ATP1B4: variants seen among roughly 807,000 people sequenced by gnomAD.
ATP1B4 encodes the protein protein ATP1B4.
ATP1B4 carries 32 observed loss-of-function variants against 29.6 expected under a neutral mutation model. That is an observed-to-expected ratio of 1.08 (90% CI 0.82 to 1.45). The LOEUF is 1.45. Among genes scored for constraint, ATP1B4 ranks in the 40% most tolerant of loss-of-function variants. ATP1B4 has a pLI of 0.00. For missense variants in ATP1B4, 323 were observed against 276.2 expected, an observed-to-expected ratio of 1.17 and a Z score of -1.20; for synonymous variants, 127 against 102.1, an observed-to-expected ratio of 1.24 and a Z score of -1.47.
At chrX:120,377,312 G>A (rs1187785595) in intron 6 of ATP1B4, among the ~76,000 whole-genome samples, 4 of 112,309 alleles carry the variant, frequency 3.6e-5, no homozygotes, top group African/African-American at 6.5e-5. Flanking sequence ...GTATGACTCC[G>A]TCTCTGAAAT....
At chrX:120,378,833 T>C (rs1363121872) in intron 7 of ATP1B4, 60 bp downstream of exon 7, 1 of 1,031,845 alleles carries the variant, frequency 9.7e-7, no homozygotes, top group African/African-American at 1.9e-5. Flanking sequence ...AAAGAAGAGC[T>C]GGCTGGGATC....
In ATP1B4 at chrX:120,366,666, G is replaced by T; in HGVS notation, c.205G>T (p.Glu69Ter). The change falls in exon 2 of 8, where the codon GAG becomes TAG. Residue 69 changes from glutamate (E) to a stop codon, truncating the protein, a stop_gained. Transcript: ENST00000218008. LOFTEE classifies it high-confidence loss of function. ...EKEEEEEEEK[E>*]EEEGQGQPTG... ...AGAAGAGGAGGAAGAGGAGGAAAAGGAGGAGGAAGAGGGTCAAGGTCAGCC... is the reference window on the plus strand; with the variant it reads ...AGAAGAGGAGGAAGAGGAGGAAAAGTAGGAGGAAGAGGGTCAAGGTCAGCC... The T allele has an allele frequency of 1.7e-6, 2 of 1,210,924 alleles. No homozygotes were observed. The highest frequency in any genetic ancestry group is 3.5e-5 in the South Asian group (2 of 56,880).
intron 6 of ATP1B4, among the ~76,000 whole-genome samples, 194 bp from the exon 7 acceptor site, chrX:120,378,484 G>A (rs988659068): frequency 9.0e-6 from 1 of 111,332 alleles, no homozygotes; most frequent in African/African-American, 3.3e-5. Context: ...AAAAGACAAG[G>A]CACAGTCACT....
intron 5 of ATP1B4, among the ~76,000 whole-genome samples, chrX:120,375,929 T>G (rs1213570475): frequency 3.6e-5 from 4 of 111,155 alleles, no homozygotes; most frequent in African/African-American, 1.3e-4. Flanking sequence ...ATAGTGAGAC[T>G]TCATCTTTAA....
At position 120,378,774 on chromosome X, in the gene ATP1B4, G is replaced by A. The variant is rs777822720; in HGVS notation, c.912+1G>A. ...CCCTTACTACGGCAAACTGACTCAC[G>A]TAAGCTGTATTCCCTTTAGTCATTG... On this transcript the variant is annotated splice_donor_variant, in intron 7 of 7. Coordinates refer to ENST00000218008, the MANE Select transcript of ATP1B4 (RefSeq NM_001142447.3). LOFTEE classifies it high-confidence loss of function. 3.3e-6 allele frequency: 4 copies of A among 1,204,251 alleles called. No individual in the cohort carries two copies. The highest frequency in any genetic ancestry group is 2.2e-5 in the Admixed American group (1 of 45,958).
chrX:120,364,648 A>T (rs2058276710), intron 1 of ATP1B4, among the ~76,000 whole-genome samples: 1 of 112,577 alleles, frequency 8.9e-6, no homozygotes, highest in African/African-American at 3.2e-5. Context: ...GATGAAGTTT[A>T]TTTTCCTAAG....
intron 2 of ATP1B4, among the ~76,000 whole-genome samples, chrX:120,367,362 C>G (rs1467831963): frequency 8.9e-6 from 1 of 112,306 alleles, no homozygotes; most frequent in African/African-American, 3.2e-5. Context: ...AGGCGTGTCC[C>G]TGGCCCCAGC....
At position 120,366,772 on chromosome X, in the gene ATP1B4, G is replaced by C. The variant is rs773746224; in HGVS notation, c.311G>C (p.Arg104Pro). ...CCAGAGAGAAGGATGTTTCTGGCCCGAACAGGTCAGAGTTGGAGTAAGTCC... is the reference window on the plus strand; with the variant it reads ...CCAGAGAGAAGGATGTTTCTGGCCCCAACAGGTCAGAGTTGGAGTAAGTCC... ...WDPERRMFLA[R>P]TGQSWSLILL... is the part of the protein sequence containing the mutation. Residue 104 changes from arginine (R) to proline (P), a missense_variant, in exon 2 of 8, where the codon CGA becomes CCA. Physicochemically the swap from Arg to Pro is moderately radical, Grantham distance 103. Coordinates refer to ENST00000218008, the MANE Select transcript of ATP1B4 (RefSeq NM_001142447.3). 5.0e-6 allele frequency: 6 copies of C among 1,210,498 alleles called. No homozygotes were observed. Among genetic ancestry groups the C allele is most frequent in the African/African-American group, 1.7e-5 (1 of 57,797 alleles).
chrX:120,374,196 C>T (rs2058328464), intron 4 of ATP1B4, among the ~76,000 whole-genome samples: 2 of 110,424 alleles, frequency 1.8e-5, no homozygotes, highest in Non-Finnish European at 3.8e-5. Context: ...GCAATCAAAT[C>T]CATGTACATT....
intron 6 of ATP1B4, among the ~76,000 whole-genome samples, chrX:120,376,913 T>C (rs1332006040): frequency 1.8e-5 from 2 of 112,561 alleles, no homozygotes; most frequent in East Asian, 2.8e-4. Flanking sequence ...AATGACTACA[T>C]GGGAAGTATA....
At chrX:120,374,304 A>C (rs937687150) in intron 4 of ATP1B4, among the ~76,000 whole-genome samples, 3 of 107,163 alleles carry the variant, frequency 2.8e-5, no homozygotes, top group Non-Finnish European at 5.8e-5. Flanking sequence ...ATCCATTGCC[A>C]GGTCGGGAGG....
Position 120,380,553 on chromosome X carries a change from C to G in ATP1B4, c.*919C>G, listed in dbSNP as rs2058377072. The stretch of plus-strand genomic sequence containing the variant: ...GCTCTCTGGTGTAATCGTCTAAAGG[C>G]AAACATTCCTGCAAACAGGTTTTTC... On this transcript the variant is annotated 3_prime_UTR_variant, in exon 8 of 8. Transcript: ENST00000218008. The G allele has an allele frequency of 8.9e-6, 1 of 112,018 alleles. No individual in the cohort carries two copies. The highest frequency in any genetic ancestry group is 1.9e-5 in the Non-Finnish European group (1 of 53,242). 9.2% of individuals were successfully genotyped at this position (112,018 alleles called of 1,213,427 possible).
chrX:120,362,312 G>C (rs774160843), intron 1 of ATP1B4, 81 bp downstream of exon 1: 1 of 923,598 alleles, frequency 1.1e-6, no homozygotes, highest in Non-Finnish European at 1.6e-6. Context: ...TGTAGACCTT[G>C]GTTTACGGCT....
chrX:120,370,564 G>A, intron 2 of ATP1B4, 151 bp from the exon 3 acceptor site: 1 of 660,303 alleles, frequency 1.5e-6, no homozygotes, highest in Admixed American at 3.3e-5. Flanking sequence ...ACTCCAAATT[G>A]GTGAAATCTG....
intron 1 of ATP1B4, among the ~76,000 whole-genome samples, chrX:120,363,140 G>A (rs1286110703): frequency 8.9e-6 from 1 of 112,378 alleles, no homozygotes; most frequent in African/African-American, 3.2e-5. Context: ...GCCCCAGGAG[G>A]AAACAAAGCC....
intron 4 of ATP1B4, among the ~76,000 whole-genome samples, chrX:120,374,733 T>C: frequency 4.3e-5 from 3 of 68,977 alleles, no homozygotes; most frequent in African/African-American, 1.7e-4. Flanking sequence ...ATATATATTA[T>C]ATTATATATA....
Position 120,379,519 on chromosome X carries a change from T to G in ATP1B4, c.959T>G (p.Val320Gly), listed in dbSNP as rs1174085393. The G allele has an allele frequency of 6.6e-6, 8 of 1,210,444 alleles. No individual in the cohort carries two copies. The highest frequency in any genetic ancestry group is 8.9e-6 in the Non-Finnish European group (8 of 894,843). The change falls in exon 8 of 8, where the codon GTG becomes GGG. Residue 320 changes from valine to glycine, a missense_variant. Physicochemically the swap from Val to Gly is moderately radical, Grantham distance 109. Coordinates refer to ENST00000218008, the MANE Select transcript of ATP1B4 (RefSeq NM_001142447.3). ...PLVAMHFTDVVKNQAVPVQCQ... is the reference protein window; with the variant it reads ...PLVAMHFTDVGKNQAVPVQCQ... ...GTGGCAATGCACTTTACAGACGTGG[T>G]GAAGAACCAAGCAGTGCCTGTGCAG... is the stretch of plus-strand genomic sequence containing the variant.
chrX:120,377,973 G>A (rs182413188), intron 6 of ATP1B4, among the ~76,000 whole-genome samples: 4 of 112,018 alleles, frequency 3.6e-5, no homozygotes, highest in East Asian at 2.8e-4. Flanking sequence ...AGGGCAAGCC[G>A]AATGTATCAC....
At position 120,383,233 on chromosome X, in the gene ATP1B4, AG is replaced by A. The variant is rs1432494706; in HGVS notation, c.*3600del. On this transcript the variant is annotated 3_prime_UTR_variant, in exon 8 of 8. Transcript: ENST00000218008. Reference sequence around the variant, plus strand: ...CAACAACAATAAATTGAAATAAAAAAGAAATGTATGATTTTCTCTTTCTAGA... The same window carrying A: ...CAACAACAATAAATTGAAATAAAAAAAAATGTATGATTTTCTCTTTCTAGA... 8.9e-6 allele frequency: 1 copy of A among 112,606 alleles called. No individual in the cohort carries two copies. Among genetic ancestry groups the A allele is most frequent in the Non-Finnish European group, 1.9e-5 (1 of 53,334 alleles). 9.3% of individuals were successfully genotyped at this position (112,606 alleles called of 1,213,427 possible). A position where few individuals can be genotyped will look rare whatever the true frequency, so the allele number is the denominator to read the frequency against.
Sources: gnomAD v4.1 joint callset for allele counts (sites outside exome capture counted in the v4.1 genomes callset) on GRCh38, gnomAD v4.1.1 for gene constraint, MANE v1.5 for transcripts, NCBI Gene and HGNC (gene_info 2026-07-23, HGNC 2026-07-21) for gene names.